PLEKHA1: variants seen among roughly 807,000 people sequenced by gnomAD.
PLEKHA1 encodes pleckstrin homology domain containing A1.
Under a neutral mutation model 52.0 loss-of-function variants are expected in PLEKHA1, and 34 were observed. The ratio of observed to expected loss-of-function variants is 0.65; its 90% CI spans 0.50 to 0.87. PLEKHA1 has a LOEUF of 0.87. Among genes scored for constraint, PLEKHA1 ranks in the 40% least tolerant of loss-of-function variants. PLEKHA1 has a pLI of 0.00. For synonymous variants in PLEKHA1, 163 were observed against 170.7 expected, an observed-to-expected ratio of 0.95 and a Z score of 0.35; for missense variants, 497 against 504.2, an observed-to-expected ratio of 0.99 and a Z score of 0.14.
chr10:122,409,366 G>T (rs2097072817), intron 5 of PLEKHA1, among the ~76,000 whole-genome samples: 1 of 152,122 alleles, frequency 6.6e-6, no homozygotes, highest in Non-Finnish European at 1.5e-5. Flanking sequence ...CCCCGAAGGG[G>T]GAGTATCAAT....
At chr10:122,392,043 T>C (rs1254151331) in intron 1 of PLEKHA1, among the ~76,000 whole-genome samples, 3 of 152,162 alleles carry the variant, frequency 2.0e-5, no homozygotes, top group Non-Finnish European at 2.9e-5. Flanking sequence ...AGTACCAGAA[T>C]AGTAACAGCT....
intron 3 of PLEKHA1, among the ~76,000 whole-genome samples, chr10:122,398,593 TTGTGTGTGTGTGTGTGTG>T (rs10653605): frequency 8.1e-5 from 12 of 147,518 alleles, no homozygotes; most frequent in Admixed American, 2.0e-4. Flanking sequence ...CCCTATGGGT[TTGTGTGTGTGTGTGTGTG>T]TGTGTGTGTG....
intron 8 of PLEKHA1, chr10:122,423,229 G>C (rs2097287131): frequency 6.6e-6 from 1 of 151,082 alleles, no homozygotes; most frequent in Admixed American, 6.6e-5. Flanking sequence ...TTTGAGACCA[G>C]CCTAGCCAAC....
At chr10:122,441,285 CAT>C in the PLEKHA1 span, 1 of 152,096 alleles carries the variant, frequency 6.6e-6, no homozygotes, top group African/African-American at 2.4e-5. Context: ...GCCTAGGTAA[CAT>C]AGTGAGACAT....
chr10:122,388,880 C>G (rs111542149), intron 1 of PLEKHA1, among the ~76,000 whole-genome samples: 1 of 152,132 alleles, frequency 6.6e-6, no homozygotes, highest in East Asian at 1.9e-4. Flanking sequence ...CTCATCTGTT[C>G]AAGTTTTAGC....
intron 5 of PLEKHA1, among the ~76,000 whole-genome samples, chr10:122,407,637 T>G (rs1264164861): frequency 6.6e-6 from 1 of 152,212 alleles, no homozygotes; most frequent in Non-Finnish European, 1.5e-5. Flanking sequence ...TAGGCTCTAT[T>G]TTGATTATAC....
intron 1 of PLEKHA1, among the ~76,000 whole-genome samples, chr10:122,390,717 G>A (rs2096764293): frequency 1.3e-5 from 2 of 152,284 alleles, no homozygotes; most frequent in South Asian, 4.1e-4. Flanking sequence ...GTAGTTTGAG[G>A]CTGCAGGGTT....
intron 11 of PLEKHA1, among the ~76,000 whole-genome samples, chr10:122,429,224 AGTG>A (rs2097386361): frequency 6.6e-6 from 1 of 152,138 alleles, no homozygotes; most frequent in South Asian, 2.1e-4. Context: ...GATAATTCCT[AGTG>A]TTGACTGAGA....
chr10:122,394,381 G>A (rs1170054912), intron 2 of PLEKHA1, among the ~76,000 whole-genome samples: 1 of 151,936 alleles, frequency 6.6e-6, no homozygotes, highest in African/African-American at 2.4e-5. Context: ...CGGCCTTTTG[G>A]AACTTTTTAT....
At chr10:122,392,775 A>G (rs1361864808) in intron 1 of PLEKHA1, among the ~76,000 whole-genome samples, 2 of 152,214 alleles carry the variant, frequency 1.3e-5, no homozygotes, top group African/African-American at 4.8e-5. Context: ...GCATGTAGCA[A>G]GTGGTCACTA....
At chr10:122,398,384 C>T (rs1440552512) in intron 3 of PLEKHA1, among the ~76,000 whole-genome samples, 1 of 151,854 alleles carries the variant, frequency 6.6e-6, no homozygotes, top group Non-Finnish European at 1.5e-5. Context: ...AAAATATGGA[C>T]CATTTTCATG....
At chr10:122,388,542 A>G (rs925315860) in intron 1 of PLEKHA1, among the ~76,000 whole-genome samples, 1 of 152,238 alleles carries the variant, frequency 6.6e-6, no homozygotes, top group Admixed American at 6.5e-5. Flanking sequence ...CCATGGCAAT[A>G]AGATAAATGT....
At chr10:122,429,556 G>C in intron 11 of PLEKHA1, 68 bp from the exon 12 acceptor site, 1 of 1,365,612 alleles carries the variant, frequency 7.3e-7, no homozygotes, top group South Asian at 1.3e-5. Context: ...AGAGAATCAA[G>C]TCTCACACTG....
chr10:122,429,609 C>A lies in PLEKHA1; in HGVS notation c.901-15C>A. On this transcript the variant is annotated splice_polypyrimidine_tract_variant and intron_variant, in intron 11 of 11. Transcript: ENST00000368990. ...TGAGTGACTGACCGTGTCTGACTGC[C>A]ACTCCTTTTTGCAGGAGCATCCCCC... The A allele has an allele frequency of 1.2e-6, 2 of 1,610,426 alleles. No individual in the cohort carries two copies.
Position 122,393,431 on chromosome 10 carries a change from T to C in PLEKHA1, c.141+90T>C. On this transcript the variant is annotated intron_variant, in intron 2 of 11. Transcript: ENST00000368990. The surrounding 1 kb of genome is among the most constrained non-coding windows in gnomAD (Gnocchi z 4.5). ...CTATACAGGCTTTAGATTTGTCTTC[T>C]TAAGCAGTATATTTTTAGATTTATT... The C allele has an allele frequency of 7.9e-7, 1 of 1,265,620 alleles. No individual in the cohort carries two copies. Among genetic ancestry groups the C allele is most frequent in the Non-Finnish European group, 1.0e-6 (1 of 956,324 alleles). 78.4% of individuals were successfully genotyped at this position (1,265,620 alleles called of 1,614,324 possible). A position where few individuals can be genotyped will look rare whatever the true frequency, so the allele number is the denominator to read the frequency against.
chr10:122,424,209 C>T lies in PLEKHA1; in HGVS notation c.692C>T (p.Pro231Leu). The T allele has an allele frequency of 6.4e-7, 1 of 1,556,212 alleles. No homozygotes were observed. The highest frequency in any genetic ancestry group is 8.6e-7 in the Non-Finnish European group (1 of 1,163,788). The change falls in exon 9 of 12, where the codon CCT becomes CTT. Residue 231 changes from proline to leucine, a missense_variant. Coordinates refer to ENST00000368990, the MANE Select transcript of PLEKHA1 (RefSeq NM_001001974.4). ...TTTTTTTTTTGCCAGGAAAAGGAAC[C>T]TCTTCGTGTAATACCACTTAAAGAG... ...GYFKSELEKE[P>L]LRVIPLKEVH...
intron 3 of PLEKHA1, among the ~76,000 whole-genome samples, chr10:122,399,934 T>G (rs1384909905): frequency 6.6e-6 from 1 of 152,176 alleles, no homozygotes; most frequent in Non-Finnish European, 1.5e-5. Flanking sequence ...CAGCCCCATT[T>G]TTGCTTAAAA....
chr10:122,429,545 C>T lies in PLEKHA1; in HGVS notation c.901-79C>T, dbSNP rs531610645. 6.8e-4 allele frequency: 846 copies of T among 1,248,098 alleles called. 2 individuals are homozygous for T. The highest frequency in any genetic ancestry group is 9.0e-4 in the Non-Finnish European group (800 of 891,878). 77.3% of individuals were successfully genotyped at this position (1,248,098 alleles called of 1,614,324 possible). A position where few individuals can be genotyped will look rare whatever the true frequency, so the allele number is the denominator to read the frequency against. On this transcript the variant is annotated intron_variant, in intron 11 of 11. Transcript: ENST00000368990. ...GTGTGTGTGTGTTTTATTTGTTTTT[C>T]AGAGAATCAAGTCTCACACTGAGTT...
intron 11 of PLEKHA1, chr10:122,428,320 T>C: frequency 4.5e-6 from 7 of 1,547,500 alleles, no homozygotes; most frequent in Non-Finnish European, 6.1e-6. Flanking sequence ...TACAGAGGTA[T>C]ACATCAAGAG....
Sources: allele counts gnomAD v4.1 joint callset (sites outside exome capture counted in the v4.1 genomes callset), GRCh38; gene constraint gnomAD v4.1.1; non-coding constraint Gnocchi (gnomAD v3.1); transcripts MANE v1.5; gene names NCBI Gene and HGNC (gene_info 2026-07-23, HGNC 2026-07-21).